The following HNRNPK variants were observed in gnomAD, a reference collection of about 807,000 sequenced individuals.
HNRNPK encodes the protein dC-stretch binding protein.
Under a neutral mutation model 67.0 loss-of-function variants are expected in HNRNPK, and 7 were observed. The observed-to-expected ratio is 0.10, with a 90% CI of 0.06 to 0.20. The LOEUF (loss-of-function observed/expected upper bound fraction) is 0.20. HNRNPK is among the 10% of genes least tolerant of loss of function. HNRNPK has a pLI of 1.00. For missense variants in HNRNPK, 264 were observed against 606.5 expected (o/e 0.44, Z 5.93); for synonymous variants, 213 against 193.7 (o/e 1.10, Z -0.83).
At chr9:83,979,463 C>T (rs1957252117) in intron 1 of HNRNPK, among the ~76,000 whole-genome samples, 2 of 152,238 alleles carry the variant, frequency 1.3e-5, no homozygotes, top group Non-Finnish European at 2.9e-5. Flanking sequence ...AGTCCCCAGG[C>T]CTCAAAAATC....
intron 1 of HNRNPK, among the ~76,000 whole-genome samples, chr9:83,979,419 G>C (rs570240378): frequency 1.3e-5 from 2 of 152,192 alleles, no homozygotes; most frequent in Non-Finnish European, 2.9e-5. Flanking sequence ...TAACGTTGCC[G>C]CTTGCCGTTC....
chr9:83,970,372 T>G, intron 15 of HNRNPK, 41 bp from the exon 16 acceptor site: 1 of 1,478,886 alleles, frequency 6.8e-7, no homozygotes, highest in Non-Finnish European at 9.3e-7. Flanking sequence ...CGATATACTT[T>G]TAACATTTAC....
rs367907323 is a variant in HNRNPK at position 83,971,837 on chromosome 9, T to A, written c.953+45A>T. The A allele has an allele frequency of 3.1e-4, 480 of 1,567,172 alleles. 2 individuals carry two copies. The highest frequency in any genetic ancestry group is 1.3e-3 in the South Asian group (113 of 85,256). On this transcript the variant is annotated intron_variant, in intron 11 of 16. Transcript: ENST00000376263. ...CAGCCTCTTGCAGGTTAATAATTCA[T>A]AGATGGGGGAAGAAAAAACAACAAC...
intron 3 of HNRNPK, 58 bp downstream of exon 3, chr9:83,978,137 A>T: frequency 8.6e-7 from 1 of 1,157,986 alleles, no homozygotes; most frequent in African/African-American, 1.5e-5. Flanking sequence ...AATTAACAGA[A>T]AAAGGCAATT....
chr9:83,973,483 A>G (rs2133040428), intron 8 of HNRNPK, 84 bp from the exon 9 acceptor site: 1 of 817,390 alleles, frequency 1.2e-6, no homozygotes, highest in Non-Finnish European at 2.1e-6. Context: ...TAACAATAAT[A>G]TACTGTTGCA....
Position 83,971,892 on chromosome 9 carries a change from G to A in HNRNPK, c.943C>T (p.Pro315Ser), listed in dbSNP as rs1268410448. Reference sequence around the variant, plus strand: ...AAAAAAACAACTTACCCCCCTCTAGGTGGTGGTGGTGGAGGAAGAGGAAGA... The same window carrying A: ...AAAAAAACAACTTACCCCCCTCTAGATGGTGGTGGTGGAGGAAGAGGAAGA... The part of the protein sequence containing the change: ...RNLPLPPPPP[P>S]RGGDLMAYDR... The change falls in exon 11 of 17, where the codon CCT becomes TCT. Residue 315 changes from proline (P) to serine (S), a missense_variant. Coordinates refer to ENST00000376263, the MANE Select transcript of HNRNPK (RefSeq NM_031263.4). The A allele has an allele frequency of 5.1e-6, 8 of 1,553,552 alleles. No homozygotes were observed. The highest frequency in any genetic ancestry group is 7.0e-6 in the Non-Finnish European group (8 of 1,150,868).
intron 5 of HNRNPK, 169 bp downstream of exon 5, chr9:83,976,826 T>G: frequency 7.8e-5 from 36 of 462,220 alleles, no homozygotes; most frequent in East Asian, 1.0e-4. Context: ...AATCTGGGCT[T>G]TTGTTAAAAC....
At chr9:83,974,031 C>A in intron 7 of HNRNPK, 58 bp from the exon 8 acceptor site, 3 of 1,121,314 alleles carry the variant, frequency 2.7e-6, no homozygotes, top group South Asian at 1.3e-5. Flanking sequence ...AGGCTATTGT[C>A]GCATATATTG....
intron 1 of HNRNPK, among the ~76,000 whole-genome samples, chr9:83,978,682 A>G (rs1957189142): frequency 6.6e-6 from 1 of 152,236 alleles, no homozygotes; most frequent in Non-Finnish European, 1.5e-5. Context: ...CCACTGGATT[A>G]AGTCCCACCA....
chr9:83,973,782 T>C (rs1227535971), intron 8 of HNRNPK, 120 bp downstream of exon 8: 3 of 704,732 alleles, frequency 4.3e-6, no homozygotes, highest in African/African-American at 1.8e-5. Flanking sequence ...AGACCATTCA[T>C]GTATCATGTT....
intron 9 of HNRNPK, 75 bp from the exon 10 acceptor site, chr9:83,973,047 T>C: frequency 1.8e-6 from 2 of 1,104,332 alleles, no homozygotes; most frequent in Non-Finnish European, 2.6e-6. Context: ...GAAAATTGCA[T>C]TTGAATTCAA....
chr9:83,972,292 C>A, intron 10 of HNRNPK, 103 bp from the exon 11 acceptor site: 1 of 836,938 alleles, frequency 1.2e-6, no homozygotes. Context: ...GTCATTCCCC[C>A]ATCAGGAGGT....
intron 3 of HNRNPK, 82 bp from the exon 4 acceptor site, chr9:83,977,868 A>C: frequency 1.2e-6 from 1 of 857,034 alleles, no homozygotes; most frequent in East Asian, 2.5e-5. Context: ...ACTTGTTGCT[A>C]ATCTTAGGCA....
chr9:83,972,585 T>C (rs1427230484), intron 10 of HNRNPK, among the ~76,000 whole-genome samples: 4 of 152,194 alleles, frequency 2.6e-5, no homozygotes, highest in Non-Finnish European at 2.9e-5. Flanking sequence ...CCCTGCAGCA[T>C]AGTTACAAAG....
At position 83,971,456 on chromosome 9, in the gene HNRNPK, GTACA is replaced by G. The variant is rs1416217968; in HGVS notation, c.1009-104_1009-101del. Reference sequence around the variant, plus strand: ...GCATGTTACATTAAAACAAAAGAGGGTACATATATAGGCAGCAATTTTGTAATCG... The same window carrying G: ...GCATGTTACATTAAAACAAAAGAGGGTATATAGGCAGCAATTTTGTAATCG... On this transcript the variant is annotated intron_variant, in intron 12 of 16. Transcript: ENST00000376263. 6 of 897,464 alleles carry G rather than the reference GTACA, an allele frequency of 6.7e-6. No homozygotes were observed. In the African/African-American group the frequency reaches 8.3e-5, roughly 12 times the overall value. The allele number at this position is 897,464 out of a possible 1,614,324, so 55.6% of individuals were successfully genotyped here. A position where few individuals can be genotyped will look rare whatever the true frequency, so the allele number is the denominator to read the frequency against.
At position 83,977,754 on chromosome 9, in the gene HNRNPK, G is replaced by T; in HGVS notation, c.91C>A (p.Gln31Lys). The T allele has an allele frequency of 6.2e-7, 1 of 1,608,778 alleles. No individual in the cohort carries two copies. The highest frequency in any genetic ancestry group is 8.5e-7 in the Non-Finnish European group (1 of 1,175,912). ...KRPAEDMEEEQAFKRSRNTDE... is the reference protein window; with the variant it reads ...KRPAEDMEEEKAFKRSRNTDE... ...GTGTTTCTAGATCTTTTAAATGCTT[G>T]TTCCTCTTCCATATCTTCTGCAGGG... is the stretch of plus-strand genomic sequence containing the variant. The change falls in exon 4 of 17, where the codon CAA becomes AAA. Residue 31 changes from glutamine (Q) to lysine (K), a missense_variant. Coordinates refer to ENST00000376263, the MANE Select transcript of HNRNPK (RefSeq NM_031263.4).
intron 2 of HNRNPK, 39 bp from the exon 3 acceptor site, chr9:83,978,318 G>A (rs1249877314): frequency 2.0e-6 from 3 of 1,480,798 alleles, no homozygotes; most frequent in Admixed American, 2.3e-5. Context: ...TTGGCTTATT[G>A]GAAAGCAAGC....
chr9:83,978,445 G>GC lies in HNRNPK; in HGVS notation c.-101dup. 8.7e-7 allele frequency: 1 copy of GC among 1,148,772 alleles called. No homozygotes were observed. The highest frequency in any genetic ancestry group is 1.1e-6 in the Non-Finnish European group (1 of 873,888). The allele number at this position is 1,148,772 out of a possible 1,614,324, so 71.2% of individuals were successfully genotyped here. A position where few individuals can be genotyped will look rare whatever the true frequency, so the allele number is the denominator to read the frequency against. ...GACCAACAACTGACACCCCAGTGCTGCAGTAGCCTATAAGAACCAACACAA... is the reference window on the plus strand; with the variant it reads ...GACCAACAACTGACACCCCAGTGCTGCCAGTAGCCTATAAGAACCAACACAA... On this transcript the variant is annotated 5_prime_UTR_variant, in exon 2 of 17. Transcript: ENST00000376263.
chr9:83,979,719 C>G (rs1214759933), intron 1 of HNRNPK, among the ~76,000 whole-genome samples: 1 of 151,990 alleles, frequency 6.6e-6, no homozygotes, highest in Non-Finnish European at 1.5e-5. Context: ...AGGTCTCATC[C>G]CCCGCATCCT....
Sources: gnomAD v4.1 joint callset for allele counts (sites outside exome capture counted in the v4.1 genomes callset) on GRCh38, gnomAD v4.1.1 for gene constraint, MANE v1.5 for transcripts, NCBI Gene and HGNC (gene_info 2026-07-23, HGNC 2026-07-21) for gene names.